The following NPFFR2 variants were observed in gnomAD, a reference collection of about 807,000 sequenced individuals.
NPFFR2 encodes the protein G-protein coupled receptor 74.
A neutral mutation model predicts 13.1 loss-of-function variants in NPFFR2; 15 were observed. That is an observed-to-expected ratio of 1.15 (90% confidence interval 0.77 to 1.76). The LOEUF is 1.76. Ranked by LOEUF, NPFFR2 falls within the 40% of genes most tolerant of loss-of-function variation. The pLI is 0.00. For synonymous variants in NPFFR2, 190 were observed against 175.7 expected, an observed-to-expected ratio of 1.08 and a Z score of -0.65; for missense variants, 572 against 503.5, an observed-to-expected ratio of 1.14 and a Z score of -1.30.
At chr4:72,056,842 G>A (rs1052337132) in intron 1 of NPFFR2, among the ~76,000 whole-genome samples, 2 of 152,062 alleles carry the variant, frequency 1.3e-5, no homozygotes, top group East Asian at 1.9e-4. Context: ...ATTAGAAGTG[G>A]AACCTGAAGA....
At position 72,146,031 on chromosome 4, in the gene NPFFR2, G is replaced by C. The variant is rs1462806027; in HGVS notation, c.429-947G>C. ...TTGTACTCACCAGAGGACATAGAAT[G>C]TTAGGAAGGCTCATAATCAGAACTC... is the stretch of plus-strand genomic sequence containing the variant. On this transcript the variant is annotated intron_variant, in intron 3 of 3. Transcript: ENST00000308744. Among the ~76,000 whole-genome samples the C allele has an allele frequency of 2.6e-5, 4 of 152,290 alleles. No homozygotes were observed. The East Asian group carries it at 7.7e-4, about 29-fold the overall frequency.
intron 3 of NPFFR2, chr4:72,146,435 A>C (rs1445137336): frequency 1.3e-5 from 2 of 152,288 alleles, no homozygotes; most frequent in African/African-American, 4.8e-5. Flanking sequence ...CCTATTGGTC[A>C]AAGCAAGTTA....
chr4:72,090,463 T>A (rs958910252), intron 1 of NPFFR2, among the ~76,000 whole-genome samples: 1 of 152,138 alleles, frequency 6.6e-6, no homozygotes, highest in African/African-American at 2.4e-5. Context: ...GAGCGTGAGA[T>A]GTGTTTTTAT....
chr4:72,147,134 C>A lies in NPFFR2; in HGVS notation c.585C>A (p.Asn195Lys). The A allele has an allele frequency of 2.5e-6, 4 of 1,614,146 alleles. No homozygotes were observed. Among genetic ancestry groups the A allele is most frequent in the Non-Finnish European group, 3.4e-6 (4 of 1,180,034 alleles). ...QEEKYYRVRL[N>K]SQNKTSPVYW... ...AAAAATATTACCGAGTGAGACTCAACTCCCAGAATAAAACCAGTCCAGTCT... is the reference window on the plus strand; with the variant it reads ...AAAAATATTACCGAGTGAGACTCAAATCCCAGAATAAAACCAGTCCAGTCT... Residue 195 changes from asparagine (N) to lysine (K), a missense_variant, in exon 4 of 4, where the codon AAC (asparagine) becomes AAA (lysine). By Grantham distance (94) the Asn-to-Lys change is moderately conservative. Coordinates refer to ENST00000308744, the MANE Select transcript of NPFFR2 (RefSeq NM_004885.3).
intron 1 of NPFFR2, among the ~76,000 whole-genome samples, chr4:72,094,545 G>A (rs950463496): frequency 6.6e-6 from 1 of 152,088 alleles, no homozygotes; most frequent in African/African-American, 2.4e-5. Context: ...ATGAGGGTGT[G>A]GTTCCCAGAG....
intron 1 of NPFFR2, among the ~76,000 whole-genome samples, chr4:72,127,974 G>C (rs570002845): frequency 6.6e-6 from 1 of 151,956 alleles, no homozygotes; most frequent in Non-Finnish European, 1.5e-5. Context: ...CAGCTACTTG[G>C]GGGGTGAGGC....
intron 1 of NPFFR2, among the ~76,000 whole-genome samples, chr4:72,064,740 A>T (rs1720017151): frequency 6.6e-6 from 1 of 152,168 alleles, no homozygotes; most frequent in South Asian, 2.1e-4. Context: ...TTGATGAGAC[A>T]GACAGTTGGT....
chr4:72,051,924 A>G (rs1719596836), intron 1 of NPFFR2, among the ~76,000 whole-genome samples: 2 of 142,592 alleles, frequency 1.4e-5, no homozygotes, highest in Admixed American at 1.4e-4. Flanking sequence ...CGACACATAC[A>G]CTCTCCCAAG....
At chr4:72,110,359 T>C (rs1450444255) in intron 1 of NPFFR2, among the ~76,000 whole-genome samples, 1 of 152,020 alleles carries the variant, frequency 6.6e-6, no homozygotes, top group Non-Finnish European at 1.5e-5. Flanking sequence ...CTTTCCTTTA[T>C]AAATTACCCA....
chr4:72,033,007 T>C (rs1435300329), intron 1 of NPFFR2, among the ~76,000 whole-genome samples: 1 of 152,250 alleles, frequency 6.6e-6, no homozygotes, highest in Non-Finnish European at 1.5e-5. Flanking sequence ...TGGTTTCCTT[T>C]TTTTAATCCA....
chr4:72,081,154 CT>C (rs1720606265), intron 1 of NPFFR2, among the ~76,000 whole-genome samples: 1 of 152,172 alleles, frequency 6.6e-6, no homozygotes, highest in Admixed American at 6.6e-5. Context: ...CTACTCTTGT[CT>C]AAGACAGGAA....
At position 72,139,782 on chromosome 4, in the gene NPFFR2, C is replaced by A. The variant is rs1438668000; in HGVS notation, c.428+1643C>A. 2.0e-5 allele frequency among the ~76,000 whole-genome samples: 3 copies of A among 152,156 alleles called. No individual in the cohort carries two copies. The East Asian group carries it at 5.8e-4, about 29-fold the overall frequency. ...ATATGAACTTTAAAGTAGATTTTTC[C>A]AATTCTGTGAAGAAAGTCAATGGTA... On this transcript the variant is annotated intron_variant, in intron 3 of 3. Coordinates refer to ENST00000308744, the MANE Select transcript of NPFFR2 (RefSeq NM_004885.3).
intron 1 of NPFFR2, among the ~76,000 whole-genome samples, chr4:72,077,729 T>G (rs1183422724): frequency 6.6e-6 from 1 of 152,120 alleles, no homozygotes; most frequent in Non-Finnish European, 1.5e-5. Flanking sequence ...TTTGTCCCGA[T>G]TTTTAAGGCA....
intron 1 of NPFFR2, among the ~76,000 whole-genome samples, chr4:72,106,395 A>G (rs1721420133): frequency 6.6e-6 from 1 of 152,094 alleles, no homozygotes; most frequent in African/African-American, 2.4e-5. Flanking sequence ...TTGGTACTCT[A>G]TAGTGAGGTG....
chr4:72,061,200 C>G (rs1719910066), intron 1 of NPFFR2, among the ~76,000 whole-genome samples: 1 of 152,178 alleles, frequency 6.6e-6, no homozygotes, highest in Non-Finnish European at 1.5e-5. Context: ...TAGTGAAACA[C>G]TTTCTATCTG....
chr4:72,054,041 G>GA (rs1719668366), intron 1 of NPFFR2, among the ~76,000 whole-genome samples: 1 of 151,766 alleles, frequency 6.6e-6, no homozygotes, highest in South Asian at 2.1e-4. Context: ...TCTCAAAATT[G>GA]ATCTATAGAT....
chr4:72,142,590 T>C (rs1484961966), intron 3 of NPFFR2, among the ~76,000 whole-genome samples: 3 of 152,172 alleles, frequency 2.0e-5, no homozygotes, highest in African/African-American at 7.2e-5. Context: ...TCTACCTCTT[T>C]AAAAGCAACA....
At chr4:72,132,841 G>T (rs574290235) in intron 2 of NPFFR2, among the ~76,000 whole-genome samples, 1 of 151,978 alleles carries the variant, frequency 6.6e-6, no homozygotes, top group South Asian at 2.1e-4. Flanking sequence ...CTTTTTAATG[G>T]GGTTGTTTAT....
In NPFFR2 at chr4:72,138,059, G is replaced by C. The variant is rs141870844; in HGVS notation, c.348G>C (p.Thr116=). 44 of 1,613,032 alleles carry C rather than the reference G, an allele frequency of 2.7e-5. No homozygotes were observed. In the African/African-American group the frequency reaches 4.5e-4, roughly 17 times the overall value. ...NIIAGWPFGN[T]MCKISGLVQG... Reference sequence around the variant, plus strand: ...TTTCAGGATGGCCATTTGGAAACACGATGTGCAAGATCAGTGGATTGGTCC... The same window carrying C: ...TTTCAGGATGGCCATTTGGAAACACCATGTGCAAGATCAGTGGATTGGTCC... The change falls in exon 3 of 4, where the codon ACG becomes ACC. Residue 116 remains threonine (T), a synonymous_variant. Transcript: ENST00000308744.
Sources: allele counts gnomAD v4.1 joint callset (sites outside exome capture counted in the v4.1 genomes callset), GRCh38; gene constraint gnomAD v4.1.1; transcripts MANE v1.5; gene names NCBI Gene and HGNC (gene_info 2026-07-23, HGNC 2026-07-21).